The following C12orf54 variants were observed in gnomAD, a reference collection of about 807,000 sequenced individuals.
C12orf54 encodes chromosome 12 open reading frame 54, also known as uncharacterized protein C12orf54.
In C12orf54, 24 loss-of-function variants were observed where a neutral mutation model predicts 26.4. That is an observed-to-expected ratio of 0.91 (90% CI 0.66 to 1.28). The LOEUF is 1.28. Ranked by LOEUF, C12orf54 falls within the 50% of genes most tolerant of loss-of-function variation. The pLI, the probability that C12orf54 is intolerant of heterozygous loss-of-function variation, is 0.00. For missense variants in C12orf54, 154 were observed against 150.9 expected, an observed-to-expected ratio of 1.02 and a Z score of -0.11; for synonymous variants, 54 against 47.0, an observed-to-expected ratio of 1.15 and a Z score of -0.61.
the C12orf54 span, among the ~76,000 whole-genome samples, chr12:48,436,616 C>G: frequency 6.6e-6 from 1 of 152,168 alleles, no homozygotes; most frequent in African/African-American, 2.4e-5. Flanking sequence ...CAAAACCGCT[C>G]AACTACATGG....
rs1413280671 is a variant in C12orf54 at position 48,486,210 on chromosome 12, T to C, written c.96+2T>C. 6.2e-7 allele frequency: 1 copy of C among 1,609,366 alleles called. No individual in the cohort carries two copies. The highest frequency in any genetic ancestry group is 1.3e-5 in the African/African-American group (1 of 74,690). On this transcript the variant is annotated splice_donor_variant, in intron 3 of 8. Coordinates refer to ENST00000548364, the MANE Select transcript of C12orf54 (RefSeq NM_152319.4). LOFTEE classifies it high-confidence loss of function. ...ATAGAAGAGACAATGAGACCACAGG[T>C]GGGTAAGGTATCCAAATTCTCTGGA...
chr12:48,488,560 A>T (rs1471565234), intron 4 of C12orf54: 2 of 388,534 alleles, frequency 5.1e-6, no homozygotes, highest in Non-Finnish European at 9.5e-6. Context: ...CACACCCTCC[A>T]ACAAGCAAAT....
chr12:48,470,651 ATC>A, the C12orf54 span, among the ~76,000 whole-genome samples: 3 of 151,526 alleles, frequency 2.0e-5, no homozygotes, highest in African/African-American at 7.3e-5. Context: ...GCTGTGCAGA[ATC>A]TCTTTAGTTT....
chr12:48,438,290 G>T, the C12orf54 span, among the ~76,000 whole-genome samples: 1 of 152,176 alleles, frequency 6.6e-6, no homozygotes, highest in Admixed American at 6.5e-5. Flanking sequence ...CATGCTCATT[G>T]GTAGGAAGAA....
chr12:48,451,738 C>T, the C12orf54 span, among the ~76,000 whole-genome samples: 3 of 152,210 alleles, frequency 2.0e-5, no homozygotes, highest in East Asian at 5.8e-4. Flanking sequence ...CTCCCATTCA[C>T]AATTGCCATA....
At chr12:48,431,939 C>T in the C12orf54 span, among the ~76,000 whole-genome samples, 4 of 152,064 alleles carry the variant, frequency 2.6e-5, no homozygotes, top group African/African-American at 7.2e-5. Flanking sequence ...TTGACTTGTG[C>T]ACTTTGAATG....
chr12:48,467,888 T>A, the C12orf54 span, among the ~76,000 whole-genome samples: 2,101 of 152,258 alleles, frequency 0.014, 63 homozygotes, highest in East Asian at 0.12. Flanking sequence ...TTAGATGATA[T>A]CATGGCAGCA....
At chr12:48,473,331 G>A in the C12orf54 span, 6 of 1,173,100 alleles carry the variant, frequency 5.1e-6, no homozygotes, top group Admixed American at 5.8e-5. Context: ...AGATGATGAG[G>A]AAGATGAAGA....
chr12:48,471,939 G>A, the C12orf54 span, among the ~76,000 whole-genome samples: 22 of 151,848 alleles, frequency 1.4e-4, no homozygotes, highest in Admixed American at 4.6e-4. Context: ...TGGGGAATAT[G>A]ACCGTTTTAA....
the C12orf54 span, among the ~76,000 whole-genome samples, chr12:48,413,814 G>A: frequency 2.0e-5 from 3 of 152,294 alleles, no homozygotes; most frequent in South Asian, 4.1e-4. Context: ...TATTGCTTGA[G>A]GATGAGACCT....
chr12:48,438,366 C>T, the C12orf54 span, among the ~76,000 whole-genome samples: 1 of 152,188 alleles, frequency 6.6e-6, no homozygotes, highest in South Asian at 2.1e-4. Flanking sequence ...CCCCATCAAG[C>T]TACCAATGAC....
chr12:48,494,727 A>G, intron 7 of C12orf54, 71 bp from the exon 8 acceptor site: 1 of 1,496,658 alleles, frequency 6.7e-7, no homozygotes, highest in Non-Finnish European at 9.2e-7. Context: ...AGGGCAGTGG[A>G]GGCCAGGAAG....
the C12orf54 span, among the ~76,000 whole-genome samples, chr12:48,447,603 C>T: frequency 1.3e-5 from 2 of 152,044 alleles, no homozygotes; most frequent in Non-Finnish European, 2.9e-5. Flanking sequence ...TCTATTCCTC[C>T]CTATCCATAC....
chr12:48,443,726 TA>T, the C12orf54 span, among the ~76,000 whole-genome samples: 1 of 149,020 alleles, frequency 6.7e-6, no homozygotes, highest in Non-Finnish European at 1.5e-5. Flanking sequence ...CTACTAACCC[TA>T]AAGTGTGGTC....
chr12:48,448,193 A>C, the C12orf54 span, among the ~76,000 whole-genome samples: 1 of 152,024 alleles, frequency 6.6e-6, no homozygotes, highest in South Asian at 2.1e-4. Flanking sequence ...CGGTACCTGG[A>C]CTCCTGAATT....
chr12:48,451,255 A>G, the C12orf54 span, among the ~76,000 whole-genome samples: 2 of 152,214 alleles, frequency 1.3e-5, no homozygotes, highest in Admixed American at 6.5e-5. Context: ...CAATAGATCC[A>G]TAAAAAGGCT....
chr12:48,466,297 A>G, the C12orf54 span, among the ~76,000 whole-genome samples: 1 of 152,174 alleles, frequency 6.6e-6, no homozygotes, highest in African/African-American at 2.4e-5. Flanking sequence ...TAATCCCAAC[A>G]CTTTGGGAGG....
chr12:48,435,078 AGC>A, the C12orf54 span, among the ~76,000 whole-genome samples: 1 of 152,212 alleles, frequency 6.6e-6, no homozygotes, highest in Admixed American at 6.5e-5. Context: ...GACCTGATGG[AGC>A]TGAAAACTAT....
chr12:48,434,980 T>C, the C12orf54 span, among the ~76,000 whole-genome samples: 1 of 151,984 alleles, frequency 6.6e-6, no homozygotes. Flanking sequence ...AAGAGGAAGT[T>C]TGAACCAATG....
Sources: allele counts gnomAD v4.1 joint callset (sites outside exome capture counted in the v4.1 genomes callset), GRCh38; gene constraint gnomAD v4.1.1; transcripts MANE v1.5; gene names NCBI Gene and HGNC (gene_info 2026-07-23, HGNC 2026-07-21).